The following GLIS3 variants were observed in gnomAD, a reference collection of about 807,000 sequenced individuals.
GLIS3 encodes GLIS family zinc finger 3, also known as zinc finger protein GLIS3.
In GLIS3, 53 loss-of-function variants were observed where a neutral mutation model predicts 78.6. The observed-to-expected ratio is 0.67, with a 90% CI of 0.54 to 0.85. The LOEUF (loss-of-function observed/expected upper bound fraction) is 0.85. GLIS3 is among the 40% of genes least tolerant of loss of function. The pLI is 0.00. For missense variants in GLIS3, 1,703 were observed against 1,231.1 expected, an observed-to-expected ratio of 1.38 and a Z score of -5.74; for synonymous variants, 684 against 509.9, an observed-to-expected ratio of 1.34 and a Z score of -4.60.
intron 8 of GLIS3, among the ~76,000 whole-genome samples, chr9:3,873,654 T>C (rs542988009): frequency 6.6e-6 from 1 of 151,392 alleles, no homozygotes; most frequent in African/African-American, 2.4e-5. Flanking sequence ...TGCACAAAAA[T>C]AAAATAAAGA....
chr9:4,060,954 C>T (rs1207184014), intron 4 of GLIS3, among the ~76,000 whole-genome samples: 1 of 152,182 alleles, frequency 6.6e-6, no homozygotes, highest in Non-Finnish European at 1.5e-5. Context: ...GACTCAGAGC[C>T]TGCCTGCTAG....
At chr9:4,469,785 C>T in the GLIS3 span, among the ~76,000 whole-genome samples, 1 of 152,028 alleles carries the variant, frequency 6.6e-6, no homozygotes, top group Non-Finnish European at 1.5e-5. Flanking sequence ...TAACTAAGAT[C>T]AGAGCAGAAT....
intron 8 of GLIS3, among the ~76,000 whole-genome samples, chr9:3,860,956 G>A (rs1311161369): frequency 6.6e-6 from 1 of 152,186 alleles, no homozygotes. Flanking sequence ...TATCTACTGG[G>A]CTAGAGGAAA....
chr9:4,454,151 A>T, the GLIS3 span, among the ~76,000 whole-genome samples: 160 of 15,880 alleles, frequency 0.01, 2 homozygotes, highest in Middle Eastern at 0.14. Flanking sequence ...ATATGATGAT[A>T]AAAAAAAAAA....
intron 2 of GLIS3, among the ~76,000 whole-genome samples, chr9:4,339,411 TGA>T (rs1326159892): frequency 6.6e-6 from 1 of 152,180 alleles, no homozygotes; most frequent in African/African-American, 2.4e-5. Context: ...TTAAGTTAAC[TGA>T]GAGTTTCGTC....
At chr9:4,106,208 A>C (rs2130822063) in intron 4 of GLIS3, among the ~76,000 whole-genome samples, 1 of 152,276 alleles carries the variant, frequency 6.6e-6, no homozygotes, top group South Asian at 2.1e-4. Context: ...TGATTATCTA[A>C]AGCCACTGGA....
intron 2 of GLIS3, among the ~76,000 whole-genome samples, chr9:4,338,536 T>C (rs1005061528): frequency 2.0e-5 from 3 of 152,098 alleles, no homozygotes; most frequent in Admixed American, 1.3e-4. Flanking sequence ...TCAATGACTG[T>C]ATAGGGCCCC....
At chr9:4,072,936 C>T (rs1003683171) in intron 4 of GLIS3, among the ~76,000 whole-genome samples, 1 of 151,770 alleles carries the variant, frequency 6.6e-6, no homozygotes, top group Admixed American at 6.6e-5. Context: ...TAAAACAACT[C>T]TTAAATAAAA....
chr9:4,251,554 T>A (rs1824390121), intron 2 of GLIS3, among the ~76,000 whole-genome samples: 1 of 152,058 alleles, frequency 6.6e-6, no homozygotes, highest in South Asian at 2.1e-4. Flanking sequence ...GAGTCTTGAG[T>A]CTTTACCCAA....
chr9:4,297,720 C>T (rs1018454243), intron 1 of GLIS3, among the ~76,000 whole-genome samples: 3 of 152,144 alleles, frequency 2.0e-5, no homozygotes, highest in African/African-American at 2.4e-5. Flanking sequence ...GAGGGCCAAG[C>T]GGATACCGGG....
At chr9:4,429,486 T>A in the GLIS3 span, among the ~76,000 whole-genome samples, 1 of 152,218 alleles carries the variant, frequency 6.6e-6, no homozygotes, top group African/African-American at 2.4e-5. Flanking sequence ...TACCTTCAGA[T>A]CTCAACTTAG....
intron 7 of GLIS3, among the ~76,000 whole-genome samples, chr9:3,897,281 T>G (rs1160978499): frequency 2.0e-5 from 3 of 152,182 alleles, no homozygotes; most frequent in Non-Finnish European, 4.4e-5. Flanking sequence ...TTCCAGGTCT[T>G]AGTAAGATCA....
At chr9:4,243,180 A>G (rs909865607) in intron 2 of GLIS3, among the ~76,000 whole-genome samples, 1 of 152,204 alleles carries the variant, frequency 6.6e-6, no homozygotes, top group Non-Finnish European at 1.5e-5. Flanking sequence ...TATCAAACCC[A>G]CTTAATAATT....
the GLIS3 span, among the ~76,000 whole-genome samples, chr9:4,480,256 C>G: frequency 1.5e-5 from 2 of 136,652 alleles, no homozygotes; most frequent in Non-Finnish European, 3.0e-5. Flanking sequence ...CCAGGCTGGA[C>G]TGCAGTGGCA....
the GLIS3 span, among the ~76,000 whole-genome samples, chr9:4,475,293 C>G: frequency 6.6e-6 from 1 of 152,132 alleles, no homozygotes; most frequent in Non-Finnish European, 1.5e-5. Flanking sequence ...TAAGAAGAGG[C>G]TGAACAGATG....
At chr9:4,327,016 G>C (rs1817610495) in intron 2 of GLIS3, among the ~76,000 whole-genome samples, 1 of 152,216 alleles carries the variant, frequency 6.6e-6, no homozygotes. Flanking sequence ...ACACAGCTTA[G>C]AGTCAGGTGG....
At chr9:4,368,177 G>A in the GLIS3 span, among the ~76,000 whole-genome samples, 6 of 152,006 alleles carry the variant, frequency 3.9e-5, no homozygotes, top group Non-Finnish European at 5.9e-5. Context: ...TTATCCTTAC[G>A]TTTTAAAAAG....
At chr9:3,838,280 A>G (rs896136007) in intron 9 of GLIS3, among the ~76,000 whole-genome samples, 3 of 152,216 alleles carry the variant, frequency 2.0e-5, no homozygotes, top group Non-Finnish European at 2.9e-5. Context: ...AATAAGAATT[A>G]AAATACAGCC....
intron 2 of GLIS3, among the ~76,000 whole-genome samples, chr9:4,322,705 T>C (rs1340768419): frequency 1.3e-5 from 2 of 152,342 alleles, no homozygotes; most frequent in South Asian, 2.1e-4. Flanking sequence ...TGCATAAAAG[T>C]CTTCTTTTGA....
Sources: gnomAD v4.1 joint callset for allele counts (sites outside exome capture counted in the v4.1 genomes callset) on GRCh38, gnomAD v4.1.1 for gene constraint, MANE v1.5 for transcripts, NCBI Gene and HGNC (gene_info 2026-07-23, HGNC 2026-07-21) for gene names.